The following MYO5B variants were observed in gnomAD, a reference collection of about 807,000 sequenced individuals.
The protein encoded by MYO5B is unconventional myosin-Vb.
MYO5B carries 143 observed loss-of-function variants against 229.3 expected under a neutral mutation model. The ratio of observed to expected loss-of-function variants is 0.62; its 90% CI spans 0.54 to 0.72. The LOEUF is 0.72. MYO5B is among the 30% of genes least tolerant of loss of function. The pLI is 0.00. For synonymous variants in MYO5B, 918 were observed against 885.2 expected, an observed-to-expected ratio of 1.04 and a Z score of -0.66; for missense variants, 2,321 against 2,331.0, an observed-to-expected ratio of 1.00 and a Z score of 0.09.
At chr18:50,119,062 T>G (rs763508218) in intron 1 of MYO5B, among the ~76,000 whole-genome samples, 16 of 152,200 alleles carry the variant, frequency 1.1e-4, no homozygotes, top group Non-Finnish European at 1.8e-4. Context: ...TCTAGAATAG[T>G]GTTTCTCTAA....
At chr18:49,877,955 G>A in intron 24 of MYO5B, 73 bp from the exon 25 acceptor site, 1 of 1,572,294 alleles carries the variant, frequency 6.4e-7, no homozygotes, top group Non-Finnish European at 8.8e-7. Context: ...ATGGTGGCAG[G>A]CCCTAGAGTT....
chr18:50,019,772 G>C (rs2026254752), intron 4 of MYO5B, among the ~76,000 whole-genome samples: 1 of 152,188 alleles, frequency 6.6e-6, no homozygotes. Context: ...CCAGGAGGAA[G>C]TCCCTTTTCC....
At chr18:50,083,937 A>G (rs1453394389) in intron 1 of MYO5B, among the ~76,000 whole-genome samples, 1 of 152,204 alleles carries the variant, frequency 6.6e-6, no homozygotes, top group Non-Finnish European at 1.5e-5. Context: ...CTGCCACAGA[A>G]GTTTCATAGT....
intron 17 of MYO5B, among the ~76,000 whole-genome samples, chr18:49,926,493 G>C (rs2025129983): frequency 6.6e-6 from 1 of 152,200 alleles, no homozygotes; most frequent in South Asian, 2.1e-4. Flanking sequence ...GCTCTGGGCT[G>C]CTACACTGTT....
At chr18:49,927,605 G>C (rs939006437) in intron 17 of MYO5B, among the ~76,000 whole-genome samples, 1 of 152,140 alleles carries the variant, frequency 6.6e-6, no homozygotes, top group Non-Finnish European at 1.5e-5. Flanking sequence ...AATACTGACA[G>C]TCAACTGATC....
intron 26 of MYO5B, among the ~76,000 whole-genome samples, chr18:49,873,821 G>C (rs2024485467): frequency 6.6e-6 from 1 of 152,182 alleles, no homozygotes; most frequent in Non-Finnish European, 1.5e-5. Flanking sequence ...GAGGTGGCTG[G>C]GTGGGAGGTC....
At chr18:50,183,535 T>C (rs970443041) in intron 1 of MYO5B, among the ~76,000 whole-genome samples, 2 of 151,532 alleles carry the variant, frequency 1.3e-5, no homozygotes, top group African/African-American at 4.9e-5. Context: ...TCAAGCATGG[T>C]AGGAAGGAGG....
intron 17 of MYO5B, among the ~76,000 whole-genome samples, chr18:49,925,089 C>G (rs1335157269): frequency 6.6e-6 from 1 of 152,270 alleles, no homozygotes; most frequent in South Asian, 2.1e-4. Flanking sequence ...GCTGCACATG[C>G]CTCATTATAC....
chr18:50,186,752 C>T (rs1429056173), intron 1 of MYO5B, among the ~76,000 whole-genome samples: 1 of 152,148 alleles, frequency 6.6e-6, no homozygotes, highest in East Asian at 1.9e-4. Flanking sequence ...AGTAACCTTC[C>T]CATGGTGCAG....
intron 39 of MYO5B, among the ~76,000 whole-genome samples, chr18:49,834,901 G>A (rs1439068675): frequency 6.6e-6 from 1 of 152,188 alleles, no homozygotes; most frequent in Non-Finnish European, 1.5e-5. Context: ...GCCTCCCAAA[G>A]TGCTGGGATT....
chr18:50,060,609 C>T (rs2030663608), intron 1 of MYO5B, among the ~76,000 whole-genome samples: 1 of 152,174 alleles, frequency 6.6e-6, no homozygotes, highest in Non-Finnish European at 1.5e-5. Flanking sequence ...AAAAGAGCCC[C>T]ACATATTTCC....
At chr18:50,120,427 C>A (rs1217617368) in intron 1 of MYO5B, among the ~76,000 whole-genome samples, 1 of 152,194 alleles carries the variant, frequency 6.6e-6, no homozygotes, top group African/African-American at 2.4e-5. Flanking sequence ...ATTCTCAGGG[C>A]AGTGTTGGTC....
intron 2 of MYO5B, among the ~76,000 whole-genome samples, chr18:50,043,876 A>AT (rs1307782547): frequency 6.6e-6 from 1 of 151,734 alleles, no homozygotes; most frequent in African/African-American, 2.4e-5. Flanking sequence ...GATACAATGG[A>AT]CTTTGGGGAC....
intron 1 of MYO5B, among the ~76,000 whole-genome samples, chr18:50,096,276 G>A (rs893726369): frequency 3.9e-5 from 6 of 152,194 alleles, no homozygotes; most frequent in African/African-American, 1.4e-4. Context: ...AACAAGGATT[G>A]TGTGCTCACC....
At chr18:49,879,586 C>T (rs1293202742) in intron 23 of MYO5B, among the ~76,000 whole-genome samples, 2 of 152,220 alleles carry the variant, frequency 1.3e-5, no homozygotes, top group African/African-American at 4.8e-5. Flanking sequence ...TTTAAAAGGA[C>T]ATTTGAAAAC....
chr18:50,118,499 TC>T (rs1293597019), intron 1 of MYO5B, among the ~76,000 whole-genome samples: 1 of 152,240 alleles, frequency 6.6e-6, no homozygotes, highest in Non-Finnish European at 1.5e-5. Context: ...AGAGTGCTGA[TC>T]CCCAGGTCTG....
intron 17 of MYO5B, among the ~76,000 whole-genome samples, chr18:49,917,458 T>G (rs939512194): frequency 6.7e-6 from 1 of 150,342 alleles, no homozygotes; most frequent in African/African-American, 2.4e-5. Context: ...TCCCAAATGT[T>G]TGTAAAACGT....
chr18:50,014,270 TGAG>T (rs1187185013), intron 4 of MYO5B, among the ~76,000 whole-genome samples: 52 of 90,478 alleles, frequency 5.7e-4, no homozygotes, highest in Admixed American at 7.3e-4. Context: ...AGAAAATGGA[TGAG>T]AAAGGAAAAA....
At chr18:50,069,515 A>C (rs2030902507) in intron 1 of MYO5B, among the ~76,000 whole-genome samples, 1 of 152,148 alleles carries the variant, frequency 6.6e-6, no homozygotes, top group South Asian at 2.1e-4. Context: ...TCCACTGTCT[A>C]TTCACAGTAT....
Sources: gnomAD v4.1 joint callset for allele counts (sites outside exome capture counted in the v4.1 genomes callset) on GRCh38, gnomAD v4.1.1 for gene constraint, MANE v1.5 for transcripts, NCBI Gene and HGNC (gene_info 2026-07-23, HGNC 2026-07-21) for gene names.